The following ADH1C variants were observed in gnomAD, a reference collection of about 807,000 sequenced individuals.
ADH1C encodes alcohol dehydrogenase 1C (class I), gamma polypeptide, also known as alcohol dehydrogenase 1C.
In ADH1C, 26 loss-of-function variants were observed where a neutral mutation model predicts 35.0. That is an observed-to-expected ratio of 0.74 (90% confidence interval 0.54 to 1.03). ADH1C has a LOEUF of 1.03. Ranked by LOEUF, ADH1C falls within the 50% of genes least tolerant of loss-of-function variation. The pLI is 0.00. For missense variants in ADH1C, 413 were observed against 465.4 expected (o/e 0.89, Z 1.04); for synonymous variants, 170 against 169.3 (o/e 1.00, Z -0.03).
At chr4:99,341,654 T>C (rs1734417840) in intron 6 of ADH1C, among the ~76,000 whole-genome samples, 1 of 152,208 alleles carries the variant, frequency 6.6e-6, no homozygotes, top group African/African-American at 2.4e-5. Context: ...TGCTGGACCT[T>C]CTAGAAAACC....
At position 99,342,783 on chromosome 4, in the gene ADH1C, C is replaced by A. The variant is rs55982726; in HGVS notation, c.828+12G>T. ...CAGAGGCAGAAATTTCAGGGCATGT[C>A]ACGGATCATACCATGGTGTCAAGCC... On this transcript the variant is annotated intron_variant, in intron 6 of 8. Coordinates refer to ENST00000515683, the MANE Select transcript of ADH1C (RefSeq NM_000669.5). The A allele has an allele frequency of 6.5e-3, 10,485 of 1,613,956 alleles. 53 individuals carry two copies. The highest frequency in any genetic ancestry group is 7.6e-3 in the Non-Finnish European group (9,020 of 1,179,826).
intron 1 of ADH1C, among the ~76,000 whole-genome samples, chr4:99,351,990 G>A (rs1184565013): frequency 6.6e-6 from 1 of 152,128 alleles, no homozygotes; most frequent in Non-Finnish European, 1.5e-5. Context: ...AGATCATATT[G>A]ACTTTTATAT....
chr4:99,343,154 T>A, intron 5 of ADH1C, 99 bp from the exon 6 acceptor site: 2 of 1,482,040 alleles, frequency 1.3e-6, no homozygotes, highest in Non-Finnish European at 9.1e-7. Flanking sequence ...CAAGAACTAC[T>A]CAGACTCTTC....
intron 6 of ADH1C, among the ~76,000 whole-genome samples, chr4:99,341,516 A>T (rs1734414809): frequency 6.6e-6 from 1 of 152,234 alleles, no homozygotes. Context: ...GAAAAAGAGC[A>T]TAAGGAGAAA....
At chr4:99,340,523 G>T in intron 7 of ADH1C, 52 bp downstream of exon 7, 1 of 1,600,470 alleles carries the variant, frequency 6.2e-7, no homozygotes, top group Non-Finnish European at 8.5e-7. Context: ...CTCATAAAAG[G>T]AGAGAAATTC....
At chr4:99,339,512 G>GGGCCC in intron 8 of ADH1C, 65 bp downstream of exon 8, 1 of 742,268 alleles carries the variant, frequency 1.3e-6, no homozygotes, top group Non-Finnish European at 1.9e-6. Flanking sequence ...GCTAGACAAC[G>GGGCCC]CCCCCCCCCC....
At chr4:99,342,021 A>AT (rs1734427086) in intron 6 of ADH1C, among the ~76,000 whole-genome samples, 7 of 135,934 alleles carry the variant, frequency 5.1e-5, no homozygotes, top group East Asian at 2.0e-4. Flanking sequence ...AAAAAAAAAA[A>AT]AAAAATAAAT....
chr4:99,348,193 G>A (rs1458226786), intron 1 of ADH1C, among the ~76,000 whole-genome samples: 1 of 151,420 alleles, frequency 6.6e-6, no homozygotes, highest in Non-Finnish European at 1.5e-5. Flanking sequence ...AGTTACATAT[G>A]TATATATGTG....
intron 1 of ADH1C, 149 bp downstream of exon 1, chr4:99,352,509 A>T (rs1195197544): frequency 1.5e-6 from 1 of 680,172 alleles, no homozygotes; most frequent in Non-Finnish European, 2.4e-6. Context: ...CCAGTGTATC[A>T]TTTCTAATTT....
In ADH1C at chr4:99,347,852, A is replaced by C. The variant is rs1734573750; in HGVS notation, c.19-6T>G. ...GCTGCTTTGCATTTGATTACCTAGAACATCAGACAGAGAGATGGTACCAGT... is the reference window on the plus strand; with the variant it reads ...GCTGCTTTGCATTTGATTACCTAGACCATCAGACAGAGAGATGGTACCAGT... On this transcript the variant is annotated splice_region_variant and splice_polypyrimidine_tract_variant and intron_variant, in intron 1 of 8. Coordinates refer to ENST00000515683, the MANE Select transcript of ADH1C (RefSeq NM_000669.5). 1.2e-6 allele frequency: 2 copies of C among 1,613,420 alleles called. No individual in the cohort carries two copies. The highest frequency in any genetic ancestry group is 8.5e-7 in the Non-Finnish European group (1 of 1,179,586).
chr4:99,341,467 T>A (rs1734414110), intron 6 of ADH1C, among the ~76,000 whole-genome samples: 1 of 152,174 alleles, frequency 6.6e-6, no homozygotes, highest in South Asian at 2.1e-4. Context: ...TGAGATAATG[T>A]ACACTCCAGT....
chr4:99,338,685 G>A (rs1170497795), intron 8 of ADH1C, among the ~76,000 whole-genome samples: 1 of 148,276 alleles, frequency 6.7e-6, no homozygotes, highest in Admixed American at 6.9e-5. Flanking sequence ...GGTGCTCTGT[G>A]GGTGCTAGTG....
intron 3 of ADH1C, 71 bp from the exon 4 acceptor site, chr4:99,345,337 A>G (rs1734508328): frequency 1.4e-6 from 2 of 1,394,244 alleles, no homozygotes; most frequent in South Asian, 2.5e-5. Context: ...CTTAACGCTC[A>G]CATGTATAGA....
chr4:99,336,878 C>A, intron 8 of ADH1C, 102 bp from the exon 9 acceptor site: 1 of 1,525,084 alleles, frequency 6.6e-7, no homozygotes, highest in Non-Finnish European at 9.0e-7. Flanking sequence ...GAAAATCTCT[C>A]TGTGTTCTCA....
At chr4:99,339,530 GCTACT>G in intron 8 of ADH1C, 42 bp downstream of exon 8, 1 of 794,196 alleles carries the variant, frequency 1.3e-6, no homozygotes, top group Non-Finnish European at 1.7e-6. Flanking sequence ...CCCCCCCGCC[GCTACT>G]GTAGAATACA....
chr4:99,339,187 C>A (rs1560535723), intron 8 of ADH1C, among the ~76,000 whole-genome samples: 2 of 152,062 alleles, frequency 1.3e-5, no homozygotes, highest in Non-Finnish European at 2.9e-5. Context: ...AATATACAAT[C>A]ATTAGATGTC....
At chr4:99,336,868 G>T in intron 8 of ADH1C, 92 bp from the exon 9 acceptor site, 1 of 1,561,014 alleles carries the variant, frequency 6.4e-7, no homozygotes, top group Non-Finnish European at 8.8e-7. Flanking sequence ...GTGACTTAGT[G>T]AAAATCTCTC....
At chr4:99,343,620 C>A (rs1214537786) in intron 5 of ADH1C, among the ~76,000 whole-genome samples, 1 of 152,172 alleles carries the variant, frequency 6.6e-6, no homozygotes, top group Non-Finnish European at 1.5e-5. Context: ...ACCAGTATAT[C>A]CCTCCTTTAA....
rs534676738 is a variant in ADH1C, at chr4:99,344,885, C to A, written c.544G>T (p.Gly182Trp). The change falls in exon 5 of 9, where the codon GGG (glycine) becomes TGG (tryptophan). Residue 182 changes from glycine to tryptophan, a missense_variant. Transcript: ENST00000515683. ...LIGCGFSTGY[G>W]SAVKVAKVTP... ...ACCTTGGCAACTTTGACTGCAGACC[C>A]ATAACCAGTCGAAAATCCACAGCCA... The A allele has an allele frequency of 6.2e-7, 1 of 1,614,184 alleles. No homozygotes were observed. Among genetic ancestry groups the A allele is most frequent in the East Asian group, 2.2e-5 (1 of 44,878 alleles).
Sources: gnomAD v4.1 joint callset for allele counts (sites outside exome capture counted in the v4.1 genomes callset) on GRCh38, gnomAD v4.1.1 for gene constraint, MANE v1.5 for transcripts, NCBI Gene and HGNC (gene_info 2026-07-23, HGNC 2026-07-21) for gene names.